Variants in MEIOC observed in about 807,000 individuals in gnomAD.
MEIOC encodes the protein meiosis-specific coiled-coil domain-containing protein MEIOC.
MEIOC carries 9 observed loss-of-function variants against 85.3 expected under a neutral mutation model. The ratio of observed to expected loss-of-function variants is 0.11; its 90% CI spans 0.06 to 0.18. The LOEUF (loss-of-function observed/expected upper bound fraction) is 0.18. Among genes scored for constraint, MEIOC ranks in the 10% least tolerant of loss-of-function variants. MEIOC has a pLI of 1.00. For synonymous variants in MEIOC, 365 were observed against 393.7 expected (o/e 0.93, Z 0.86); for missense variants, 898 against 1,129.4 (o/e 0.80, Z 2.94).
Position 44,666,962 on chromosome 17 carries a change from A to G in MEIOC, c.1051A>G (p.Lys351Glu). The G allele has an allele frequency of 6.2e-7, 1 of 1,612,476 alleles. No homozygotes were observed. The highest frequency in any genetic ancestry group is 8.5e-7 in the Non-Finnish European group (1 of 1,179,076). ...KCSNFSVQDS[K>E]KLANGTPETP... ...TTCAAATTTTAGTGTCCAAGATAGCAAAAAATTAGCCAATGGCACACCTGA... is the reference window on the plus strand; with the variant it reads ...TTCAAATTTTAGTGTCCAAGATAGCGAAAAATTAGCCAATGGCACACCTGA... Residue 351 changes from lysine to glutamate, a missense_variant, in exon 5 of 8, where the codon AAA becomes GAA. This residue lies in a region of MEIOC where 734 missense variants were observed against 860.1 expected (regional missense o/e 0.85). Transcript: ENST00000409122.
chr17:44,657,378 CTTTTT>C (rs35032511), intron 2 of MEIOC, 117 bp downstream of exon 2: 2,445 of 293,842 alleles, frequency 8.3e-3, no homozygotes, highest in Middle Eastern at 0.016. Context: ...CCAGGGAAAA[CTTTTT>C]TTTTTTTTTT....
At chr17:44,673,619 G>A in intron 7 of MEIOC, 73 bp downstream of exon 7, 1 of 1,242,330 alleles carries the variant, frequency 8.0e-7, no homozygotes, top group East Asian at 2.6e-5. Flanking sequence ...CAGATTCTGA[G>A]GTTGAAAGAT....
intron 5 of MEIOC, 94 bp downstream of exon 5, chr17:44,668,327 ATTTC>A (rs1971943516): frequency 8.6e-7 from 1 of 1,161,706 alleles, no homozygotes; most frequent in Non-Finnish European, 1.2e-6. Context: ...TACTTGCCTT[ATTTC>A]TTTTTGCTTT....
Position 44,662,522 on chromosome 17 carries a change from C to T in MEIOC, c.359+51C>T, listed in dbSNP as rs1971855409. On this transcript the variant is annotated intron_variant, in intron 3 of 7. Coordinates refer to ENST00000409122, the MANE Select transcript of MEIOC (RefSeq NM_001145080.3). ...ATTGAGGTATTTTTAAATTTAATTA[C>T]ATAGGAACTGAGGTTATTTGCTCTC... 4.0e-6 allele frequency: 5 copies of T among 1,262,178 alleles called. No homozygotes were observed. In the Admixed American group the frequency reaches 1.3e-4, roughly 34 times the overall value. 78.2% of individuals were successfully genotyped at this position (1,262,178 alleles called of 1,614,324 possible). A position where few individuals can be genotyped will look rare whatever the true frequency, so the allele number is the denominator to read the frequency against.
At position 44,673,505 on chromosome 17, in the gene MEIOC, A is replaced by G. The variant is rs1019432373; in HGVS notation, c.2597A>G (p.Asn866Ser). 11 of 1,550,864 alleles carry G rather than the reference A, an allele frequency of 7.1e-6. No individual in the cohort carries two copies. Among genetic ancestry groups the G allele is most frequent in the African/African-American group, 2.7e-5 (2 of 72,998 alleles). Residue 866 changes from asparagine to serine, a missense_variant, in exon 7 of 8, where the codon AAT (asparagine) becomes AGT (serine). This residue lies in a region of MEIOC where 164 missense variants were observed against 269.2 expected (regional missense o/e 0.61). Transcript: ENST00000409122. ...AAGGATGAAATTGTTAATGCTTCCA[A>G]TCGGCAAAGGCAAGGAGTTCCTAGA... ...RRKDEIVNAS[N>S]RQRQGVPRCQ...
Position 44,656,688 on chromosome 17 carries a change from G to A in MEIOC, c.69+6G>A. 1 of 1,490,054 alleles carries A rather than the reference G, an allele frequency of 6.7e-7. No homozygotes were observed. Among genetic ancestry groups the A allele is most frequent in the Non-Finnish European group, 8.9e-7 (1 of 1,120,250 alleles). The allele number at this position is 1,490,054 out of a possible 1,614,324, so 92.3% of individuals were successfully genotyped here. On this transcript the variant is annotated splice_donor_region_variant and intron_variant, in intron 1 of 7. Coordinates refer to ENST00000409122, the MANE Select transcript of MEIOC (RefSeq NM_001145080.3). ...TGAGGGAGGAAGGACTTGAGGTAAT[G>A]GATGAGGAAGGGCAGGGTCCAGGGG...
In MEIOC at chr17:44,667,008, A is replaced by G; in HGVS notation, c.1097A>G (p.Asp366Gly). The change falls in exon 5 of 8, where the codon GAC becomes GGC. Residue 366 changes from aspartate (D) to glycine (G), a missense_variant. Transcript: ENST00000409122. ...GTPETPTVEA[D>G]TYTKLFQVKP... Reference sequence around the variant, plus strand: ...CCTGAAACACCAACTGTAGAAGCAGACACCTACACAAAGTTATTTCAGGTT... The same window carrying G: ...CCTGAAACACCAACTGTAGAAGCAGGCACCTACACAAAGTTATTTCAGGTT... 6.2e-7 allele frequency: 1 copy of G among 1,613,828 alleles called. No individual in the cohort carries two copies. Among genetic ancestry groups the G allele is most frequent in the Non-Finnish European group, 8.5e-7 (1 of 1,179,790 alleles).
intron 2 of MEIOC, among the ~76,000 whole-genome samples, chr17:44,659,263 C>T (rs1184473334): frequency 1.3e-5 from 2 of 152,124 alleles, no homozygotes; most frequent in African/African-American, 4.8e-5. Context: ...GAAACTGAGC[C>T]TCAGAGAGCT....
At chr17:44,658,876 C>T (rs1356564296) in intron 2 of MEIOC, among the ~76,000 whole-genome samples, 2 of 150,840 alleles carry the variant, frequency 1.3e-5, no homozygotes, top group Non-Finnish European at 2.9e-5. Context: ...CTTAGCATAA[C>T]ATAATTCCAG....
At chr17:44,660,811 G>T (rs1568132200) in intron 2 of MEIOC, among the ~76,000 whole-genome samples, 1 of 151,900 alleles carries the variant, frequency 6.6e-6, no homozygotes, top group Non-Finnish European at 1.5e-5. Flanking sequence ...TAAAACCCAA[G>T]GCCCGGCAAA....
intron 6 of MEIOC, among the ~76,000 whole-genome samples, chr17:44,671,576 A>G (rs1972010703): frequency 6.7e-6 from 1 of 150,050 alleles, no homozygotes; most frequent in South Asian, 2.1e-4. Context: ...CATTTTATCT[A>G]TACTTAGCAA....
At chr17:44,669,696 C>G (rs1971972369) in intron 6 of MEIOC, 179 bp downstream of exon 6, 4 of 558,164 alleles carry the variant, frequency 7.2e-6, no homozygotes, top group Non-Finnish European at 1.3e-5. Context: ...CCCGTCTCTA[C>G]TAAAAATACA....
chr17:44,657,445 G>T (rs369018307), intron 2 of MEIOC, among the ~76,000 whole-genome samples, 184 bp downstream of exon 2: 1 of 143,348 alleles, frequency 7.0e-6, no homozygotes, highest in Non-Finnish European at 1.5e-5. Context: ...GTGCAGTGGC[G>T]CCATCTCGGC....
chr17:44,670,307 T>C (rs1400603682), intron 6 of MEIOC: 1 of 133,576 alleles, frequency 7.5e-6, no homozygotes, highest in African/African-American at 2.8e-5. Context: ...AACGGGAAAA[T>C]AGTCCCACTC....
At chr17:44,664,379 T>G (rs1396848443) in intron 3 of MEIOC, among the ~76,000 whole-genome samples, 3 of 151,784 alleles carry the variant, frequency 2.0e-5, no homozygotes, top group Non-Finnish European at 1.5e-5. Context: ...AATAAATAAA[T>G]AAATAAACAA....
rs1230037223 is a variant in MEIOC, at chr17:44,674,998, G to T, written c.*802G>T. ...CTGGATCTTTTAGACTTGATGCACA[G>T]TAACTGAAATAATGACTACTGTTTT... On this transcript the variant is annotated 3_prime_UTR_variant, in exon 8 of 8. Coordinates refer to ENST00000409122, the MANE Select transcript of MEIOC (RefSeq NM_001145080.3). 8 of 983,688 alleles carry T rather than the reference G, an allele frequency of 8.1e-6. No individual in the cohort carries two copies. Among genetic ancestry groups the T allele is most frequent in the Non-Finnish European group, 9.7e-6 (8 of 828,472 alleles). 60.9% of individuals were successfully genotyped at this position (983,688 alleles called of 1,614,324 possible).
chr17:44,675,824 CAT>C (rs552693747), downstream of MEIOC: 154 of 855,594 alleles, frequency 1.8e-4, no homozygotes, highest in Admixed American at 3.0e-3. Flanking sequence ...TTTCTAAATT[CAT>C]ATGTTTCTAA....
intron 2 of MEIOC, among the ~76,000 whole-genome samples, chr17:44,657,545 T>C (rs1483710963): frequency 6.6e-6 from 1 of 150,852 alleles, no homozygotes; most frequent in Non-Finnish European, 1.5e-5. Flanking sequence ...TTTTTTTTGT[T>C]TGTTTTGTTT....
rs1172736790 is a variant in MEIOC at position 44,675,510 on chromosome 17, AT to A, written c.*1316del. On this transcript the variant is annotated 3_prime_UTR_variant, in exon 8 of 8. Coordinates refer to ENST00000409122, the MANE Select transcript of MEIOC (RefSeq NM_001145080.3). ...TTTTCTTAGTTTTAGAAATTCTGGT[AT>A]TAAAAAAAAAAAGAGTGTAATCATA... is the stretch of plus-strand genomic sequence containing the variant. 5.2e-6 allele frequency: 5 copies of A among 968,362 alleles called. No individual in the cohort carries two copies. The highest frequency in any genetic ancestry group is 6.1e-6 in the Non-Finnish European group (5 of 814,660). The allele number at this position is 968,362 out of a possible 1,614,324, so 60.0% of individuals were successfully genotyped here.
Sources: allele counts gnomAD v4.1 joint callset (sites outside exome capture counted in the v4.1 genomes callset), GRCh38; gene constraint gnomAD v4.1.1; regional missense constraint gnomAD v4.1.1; transcripts MANE v1.5; gene names NCBI Gene and HGNC (gene_info 2026-07-23, HGNC 2026-07-21).